Variants in TMEM232 observed in about 807,000 individuals in gnomAD.
TMEM232 encodes the protein transmembrane protein 232.
In TMEM232, 80 loss-of-function variants were observed where a neutral mutation model predicts 78.8. The ratio of observed to expected loss-of-function variants is 1.01; its 90% CI spans 0.85 to 1.22. The LOEUF (loss-of-function observed/expected upper bound fraction) is 1.22. Ranked by LOEUF, TMEM232 falls within the 50% of genes most tolerant of loss-of-function variation. The pLI is 0.00. For missense variants in TMEM232, 881 were observed against 742.2 expected (o/e 1.19, Z -2.17); for synonymous variants, 297 against 254.3 (o/e 1.17, Z -1.60).
At chr5:110,414,336 T>TA (rs1328779768) in intron 2 of TMEM232, among the ~76,000 whole-genome samples, 20 of 152,300 alleles carry the variant, frequency 1.3e-4, no homozygotes, top group African/African-American at 3.6e-4. Context: ...CCCCAGTGAC[T>TA]AAAAGTATTT....
At chr5:110,586,335 C>T (rs995619632) in intron 10 of TMEM232, among the ~76,000 whole-genome samples, 10 of 151,624 alleles carry the variant, frequency 6.6e-5, no homozygotes, top group African/African-American at 1.9e-4. Flanking sequence ...TTTATGAAAC[C>T]CTTCCTTGTT....
intron 2 of TMEM232, 89 bp downstream of exon 2, chr5:110,667,139 G>C (rs906513176): frequency 1.9e-6 from 2 of 1,069,728 alleles, no homozygotes; most frequent in Non-Finnish European, 2.6e-6. Context: ...TTTGGTTAGA[G>C]AACTATGGGT....
intron 12 of TMEM232, among the ~76,000 whole-genome samples, chr5:110,459,911 C>T (rs1257646558): frequency 6.6e-6 from 1 of 152,064 alleles, no homozygotes; most frequent in East Asian, 1.9e-4. Flanking sequence ...AAAAATTAAA[C>T]TCAAGCTGAG....
chr5:110,673,349 T>G (rs953196092), intron 1 of TMEM232, among the ~76,000 whole-genome samples: 1 of 151,926 alleles, frequency 6.6e-6, no homozygotes, highest in South Asian at 2.1e-4. Flanking sequence ...ATAAACCTAA[T>G]GTTAAATGAC....
chr5:110,601,146 G>C lies in TMEM232; in HGVS notation c.1276+3963C>G, dbSNP rs542528161. On this transcript the variant is annotated intron_variant, in intron 10 of 13. Coordinates refer to ENST00000455884, the MANE Select transcript of TMEM232 (RefSeq NM_001039763.4). ...AGCACTCAATAAACTGGGTATTGAT[G>C]AACATATCTCAAAACAATAAGAGCC... Among the ~76,000 whole-genome samples the C allele has an allele frequency of 3.9e-5, 6 of 152,244 alleles. No homozygotes were observed. The South Asian group carries it at 1.2e-3, about 32-fold the overall frequency.
intron 12 of TMEM232, among the ~76,000 whole-genome samples, chr5:110,515,802 G>A (rs1402561305): frequency 6.6e-6 from 1 of 152,154 alleles, no homozygotes; most frequent in Non-Finnish European, 1.5e-5. Flanking sequence ...CTGCAGAGGA[G>A]GAGCACTAGC....
intron 12 of TMEM232, among the ~76,000 whole-genome samples, chr5:110,483,344 A>G (rs1179920697): frequency 6.6e-6 from 1 of 152,186 alleles, no homozygotes; most frequent in Non-Finnish European, 1.5e-5. Context: ...ACAACTCTGA[A>G]TACCTAATAT....
intron 5 of TMEM232, among the ~76,000 whole-genome samples, chr5:110,634,210 A>T (rs957359948): frequency 5.3e-5 from 8 of 152,166 alleles, no homozygotes; most frequent in Admixed American, 2.0e-4. Context: ...ATACTACTAG[A>T]TCTAAATAGA....
At chr5:110,696,700 T>A (rs936938691) in intron 1 of TMEM232, among the ~76,000 whole-genome samples, 9 of 152,194 alleles carry the variant, frequency 5.9e-5, no homozygotes, top group African/African-American at 2.2e-4. Context: ...CCATTCACAA[T>A]TGCTTCAAAG....
intron 11 of TMEM232, among the ~76,000 whole-genome samples, chr5:110,562,684 C>T (rs1775890256): frequency 6.6e-6 from 1 of 152,050 alleles, no homozygotes; most frequent in South Asian, 2.1e-4. Context: ...TTATGTTTTA[C>T]ACTTCTTTGC....
intron 1 of TMEM232, among the ~76,000 whole-genome samples, chr5:110,687,887 G>A (rs1474293545): frequency 6.6e-6 from 1 of 152,218 alleles, no homozygotes; most frequent in African/African-American, 2.4e-5. Flanking sequence ...GAAATTTGCA[G>A]AGTAGTGTGA....
intron 1 of TMEM232, among the ~76,000 whole-genome samples, chr5:110,669,037 C>A (rs564680674): frequency 1.3e-3 from 192 of 152,064 alleles, no homozygotes; most frequent in Non-Finnish European, 2.1e-3. Context: ...GAAAGATCTA[C>A]AATTGAAACC....
chr5:110,396,976 A>G (rs1755412936), intron 3 of TMEM232, among the ~76,000 whole-genome samples: 1 of 152,154 alleles, frequency 6.6e-6, no homozygotes, highest in Non-Finnish European at 1.5e-5. Flanking sequence ...GCTATAGGTT[A>G]TCTACTCAGA....
intron 11 of TMEM232, among the ~76,000 whole-genome samples, chr5:110,567,646 A>G (rs1776493637): frequency 6.6e-6 from 1 of 151,950 alleles, no homozygotes; most frequent in Non-Finnish European, 1.5e-5. Context: ...AGGAGAGGGA[A>G]GAGTCTTGGA....
intron 7 of TMEM232, among the ~76,000 whole-genome samples, chr5:110,620,623 CTCTCTCTCTCTCTCT>C (rs1783555005): frequency 3.4e-5 from 4 of 117,546 alleles, no homozygotes; most frequent in African/African-American, 7.6e-5. Context: ...CTCTCTCTCT[CTCTCTCTCTCTCTCT>C]CCTCTCTCCT....
intron 6 of TMEM232, among the ~76,000 whole-genome samples, chr5:110,626,249 T>C (rs572910706): frequency 1.3e-5 from 2 of 152,144 alleles, no homozygotes; most frequent in African/African-American, 4.8e-5. Flanking sequence ...AGCTTTTTAC[T>C]CAAATAATTT....
chr5:110,440,090 C>G (rs192120567), intron 12 of TMEM232, among the ~76,000 whole-genome samples: 20 of 152,212 alleles, frequency 1.3e-4, no homozygotes, highest in African/African-American at 3.6e-4. Flanking sequence ...AGAGGATTGG[C>G]TCCAGAATAC....
intron 12 of TMEM232, among the ~76,000 whole-genome samples, chr5:110,501,207 C>G (rs1156824601): frequency 6.6e-6 from 1 of 152,090 alleles, no homozygotes; most frequent in African/African-American, 2.4e-5. Flanking sequence ...TAACTGCCTT[C>G]CCTGGTACTA....
chr5:110,535,187 G>A (rs969720775), intron 11 of TMEM232, among the ~76,000 whole-genome samples: 4 of 151,960 alleles, frequency 2.6e-5, no homozygotes, highest in Non-Finnish European at 5.9e-5. Context: ...CCAGATGACC[G>A]GTTCCTGCCT....
Sources: gnomAD v4.1 joint callset for allele counts (sites outside exome capture counted in the v4.1 genomes callset) on GRCh38, gnomAD v4.1.1 for gene constraint, MANE v1.5 for transcripts, NCBI Gene and HGNC (gene_info 2026-07-23, HGNC 2026-07-21) for gene names.